Variants in PNKD observed in about 807,000 individuals in gnomAD.
PNKD encodes PNKD metallo-beta-lactamase domain containing, also known as probable thioesterase PNKD.
A neutral mutation model predicts 45.3 loss-of-function variants in PNKD; 36 were observed. That is an observed-to-expected ratio of 0.80 (90% confidence interval 0.61 to 1.05). The LOEUF is 1.05. Ranked by LOEUF, PNKD falls within the 50% of genes least tolerant of loss-of-function variation. The probability of loss-of-function intolerance (pLI) is 0.00; values close to 1 mark genes in which losing one functional copy is unlikely to be tolerated. For synonymous variants in PNKD, 197 were observed against 210.1 expected (o/e 0.94, Z 0.54); for missense variants, 511 against 506.6 (o/e 1.01, Z -0.08).
chr2:218,341,935 T>C, intron 6 of PNKD, 46 bp from the exon 7 acceptor site: 1 of 1,467,906 alleles, frequency 6.8e-7, no homozygotes, highest in South Asian at 1.1e-5. Flanking sequence ...GGGATCAGCA[T>C]GGCACAGATC....
chr2:218,320,416 A>G (rs1693954329), intron 2 of PNKD, among the ~76,000 whole-genome samples: 2 of 152,232 alleles, frequency 1.3e-5, no homozygotes, highest in African/African-American at 4.8e-5. Flanking sequence ...ATTTGAAAAT[A>G]TGCAGGCCAG....
chr2:218,338,799 T>C (rs1694579337), intron 2 of PNKD, among the ~76,000 whole-genome samples: 1 of 149,426 alleles, frequency 6.7e-6, no homozygotes, highest in African/African-American at 2.5e-5. Flanking sequence ...TGATTTTTTT[T>C]TTTTTTTTTT....
At chr2:218,309,553 G>A (rs1337972483) in intron 2 of PNKD, among the ~76,000 whole-genome samples, 3 of 151,958 alleles carry the variant, frequency 2.0e-5, no homozygotes, top group African/African-American at 4.8e-5. Flanking sequence ...TACAGGCATG[G>A]CCACCACACC....
intron 2 of PNKD, chr2:218,334,585 T>C: frequency 1.6e-6 from 1 of 633,904 alleles, no homozygotes; most frequent in Non-Finnish European, 2.9e-6. Flanking sequence ...CCCAGGACAT[T>C]AAGGCTGCAG....
At chr2:218,279,100 C>T in intron 2 of PNKD, 4 of 1,614,110 alleles carry the variant, frequency 2.5e-6, no homozygotes, top group Non-Finnish European at 3.4e-6. Flanking sequence ...CCCTGTGGGG[C>T]ACAGGAGGAC....
chr2:218,314,283 A>G lies in PNKD; in HGVS notation c.237-25500A>G, dbSNP rs879418168. Among the ~76,000 whole-genome samples the G allele has an allele frequency of 2.4e-5, 3 of 127,180 alleles. No individual in the cohort carries two copies. The East Asian group carries it at 7.3e-4, about 31-fold the overall frequency. 83.4% of individuals were successfully genotyped at this position (127,180 alleles called of 152,430 possible). A position where few individuals can be genotyped will look rare whatever the true frequency, so the allele number is the denominator to read the frequency against. On this transcript the variant is annotated intron_variant, in intron 2 of 9. Coordinates refer to ENST00000273077, the MANE Select transcript of PNKD (RefSeq NM_015488.5). ...GTCTCCCAGGCTGGAGTGCAGTGAC[A>G]TGATCACAGTTTACTGCAGCCTTTA...
intron 2 of PNKD, among the ~76,000 whole-genome samples, chr2:218,285,003 T>G (rs549344978): frequency 3.3e-5 from 5 of 152,050 alleles, no homozygotes; most frequent in Non-Finnish European, 7.4e-5. Context: ...GGCAGGAGAA[T>G]CGATTCAACC....
intron 2 of PNKD, among the ~76,000 whole-genome samples, chr2:218,294,532 C>T (rs1172805072): frequency 6.6e-6 from 1 of 152,216 alleles, no homozygotes; most frequent in Non-Finnish European, 1.5e-5. Flanking sequence ...TCACTCTGTG[C>T]AATGGCACAA....
intron 2 of PNKD, among the ~76,000 whole-genome samples, chr2:218,322,991 G>A (rs1694030697): frequency 1.3e-5 from 2 of 152,058 alleles, no homozygotes; most frequent in Admixed American, 1.3e-4. Flanking sequence ...AGGCGACTGT[G>A]GACCCCGATC....
chr2:218,275,542 A>G (rs769454078), intron 2 of PNKD: 12 of 1,614,002 alleles, frequency 7.4e-6, no homozygotes, highest in Non-Finnish European at 7.6e-6. Context: ...GTAAATCTGC[A>G]GGGCGCCAGT....
chr2:218,305,009 G>T (rs1693370364), intron 2 of PNKD, among the ~76,000 whole-genome samples: 1 of 152,006 alleles, frequency 6.6e-6, no homozygotes, highest in African/African-American at 2.4e-5. Context: ...GGAGGTAGAG[G>T]TTGCAGTGAG....
chr2:218,272,969 C>A, intron 2 of PNKD: 1 of 1,417,376 alleles, frequency 7.1e-7, no homozygotes, highest in Non-Finnish European at 9.3e-7. Flanking sequence ...TTTGTGAGTC[C>A]CTTGGGATGG....
At chr2:218,299,887 C>G (rs1192863445) in intron 2 of PNKD, among the ~76,000 whole-genome samples, 1 of 152,178 alleles carries the variant, frequency 6.6e-6, no homozygotes, top group African/African-American at 2.4e-5. Flanking sequence ...TCCCAAAGTG[C>G]TGGGATTACA....
At chr2:218,322,732 C>T (rs932648795) in intron 2 of PNKD, among the ~76,000 whole-genome samples, 5 of 152,260 alleles carry the variant, frequency 3.3e-5, no homozygotes, top group Admixed American at 6.5e-5. Context: ...CGTCGCCTCA[C>T]TAGATTCCGG....
At chr2:218,271,992 G>C (rs1212171170) in intron 2 of PNKD, among the ~76,000 whole-genome samples, 1 of 152,130 alleles carries the variant, frequency 6.6e-6, no homozygotes, top group Non-Finnish European at 1.5e-5. Flanking sequence ...ATTTTTTTCT[G>C]CATGTGAGGT....
At chr2:218,295,934 C>T (rs888164964) in intron 2 of PNKD, among the ~76,000 whole-genome samples, 1 of 151,572 alleles carries the variant, frequency 6.6e-6, no homozygotes, top group South Asian at 2.1e-4. Context: ...CAACCTCCAC[C>T]TCCCAGGCTC....
intron 2 of PNKD, among the ~76,000 whole-genome samples, chr2:218,335,156 AAAATAAAT>A (rs201225515): frequency 4.1e-4 from 62 of 151,218 alleles, no homozygotes; most frequent in African/African-American, 1.3e-3. Flanking sequence ...ATCTCTTTAA[AAAATAAAT>A]AAATAAATAA....
At chr2:218,279,975 C>T in intron 2 of PNKD, 1 of 1,437,074 alleles carries the variant, frequency 7.0e-7, no homozygotes, top group Non-Finnish European at 9.8e-7. Flanking sequence ...ACTTCCCATT[C>T]CCACAGCCTG....
intron 2 of PNKD, among the ~76,000 whole-genome samples, chr2:218,282,527 G>A (rs903303284): frequency 2.6e-5 from 4 of 152,218 alleles, no homozygotes; most frequent in African/African-American, 9.7e-5. Flanking sequence ...TGGCTTGATG[G>A]CAGAACCAGC....
Sources: allele counts gnomAD v4.1 joint callset (sites outside exome capture counted in the v4.1 genomes callset), GRCh38; gene constraint gnomAD v4.1.1; transcripts MANE v1.5; gene names NCBI Gene and HGNC (gene_info 2026-07-23, HGNC 2026-07-21).